CD22: variants seen among roughly 807,000 people sequenced by gnomAD.
CD22 encodes the protein CD22 molecule.
Under a neutral mutation model 94.7 loss-of-function variants are expected in CD22, and 51 were observed. The observed-to-expected ratio is 0.54, with a 90% CI of 0.43 to 0.68. The LOEUF (loss-of-function observed/expected upper bound fraction) is 0.68, where lower values mean the gene tolerates loss of function less well. Among genes scored for constraint, CD22 ranks in the 30% least tolerant of loss-of-function variants. The pLI, the probability that CD22 is intolerant of heterozygous loss-of-function variation, is 0.00. For synonymous variants in CD22, 424 were observed against 422.5 expected, an observed-to-expected ratio of 1.00 and a Z score of -0.04; for missense variants, 931 against 1,060.4, an observed-to-expected ratio of 0.88 and a Z score of 1.69.
At chr19:35,334,201 T>C (rs1041754820) in intron 3 of CD22, among the ~76,000 whole-genome samples, 1 of 152,190 alleles carries the variant, frequency 6.6e-6, no homozygotes, top group South Asian at 2.1e-4. Context: ...GCTCATCAAA[T>C]TTCTGGATGT....
At chr19:35,333,367 C>T (rs2066673048) in intron 3 of CD22, among the ~76,000 whole-genome samples, 1 of 152,126 alleles carries the variant, frequency 6.6e-6, no homozygotes, top group Non-Finnish European at 1.5e-5. Context: ...AAACTTAGGG[C>T]TGCTCAGAGC....
At chr19:35,332,158 C>G in intron 2 of CD22, 84 bp downstream of exon 2, 1 of 1,516,094 alleles carries the variant, frequency 6.6e-7, no homozygotes, top group Non-Finnish European at 9.2e-7. Flanking sequence ...GGCAGAGAGG[C>G]GTCAACATAG....
chr19:35,346,264 G>A, intron 13 of CD22, 29 bp downstream of exon 13: 1 of 1,585,142 alleles, frequency 6.3e-7, no homozygotes. Context: ...GGTCTCCCCA[G>A]AGGGGCTGTG....
rs115208374 is a variant in CD22 at position 35,342,176 on chromosome 19, C to T, written c.2035+211C>T. Among the ~76,000 whole-genome samples the T allele has an allele frequency of 6.2e-3, 935 of 151,086 alleles. 15 individuals carry two copies. Among genetic ancestry groups the T allele is most frequent in the African/African-American group, 0.022 (896 of 41,084 alleles). ...TTTCTTCTCCTTCTCCTTCCTTCTT[C>T]TTCTTCTTATAGAGACAAGGTCTTA... On this transcript the variant is annotated intron_variant, in intron 9 of 13. Transcript: ENST00000085219.
In CD22 at chr19:35,341,378, C is replaced by T; in HGVS notation, c.1543C>T (p.Pro515Ser). The change falls in exon 8 of 14, where the codon CCC becomes TCC. Residue 515 changes from proline to serine, a missense_variant. By Grantham distance (74) the Pro-to-Ser change is moderately conservative. Transcript: ENST00000085219. The surrounding 1 kb of genome is among the most constrained non-coding windows in gnomAD (Gnocchi z 4.0). Reference sequence around the variant, plus strand: ...AGACGTGAGGGTCCGGAAAATCAAGCCCCTTTCCGAGATTCACTCTGGAAA... The same window carrying T: ...AGACGTGAGGGTCCGGAAAATCAAGTCCCTTTCCGAGATTCACTCTGGAAA... ...PRDVRVRKIK[P>S]LSEIHSGNSV... 1.9e-6 allele frequency: 3 copies of T among 1,613,764 alleles called. No homozygotes were observed. The highest frequency in any genetic ancestry group is 2.5e-6 in the Non-Finnish European group (3 of 1,179,932).
At chr19:35,340,083 A>T (rs2066784980) in intron 6 of CD22, among the ~76,000 whole-genome samples, 1 of 152,214 alleles carries the variant, frequency 6.6e-6, no homozygotes, top group African/African-American at 2.4e-5. Context: ...GGACCCTGAG[A>T]TGTCATATGT....
At chr19:35,346,340 C>T (rs368490077) in intron 13 of CD22, 105 bp downstream of exon 13, 144 of 1,151,902 alleles carry the variant, frequency 1.3e-4, no homozygotes, top group South Asian at 7.3e-4. Context: ...GGTAGGCATC[C>T]GTGGTGGCAG....
At chr19:35,334,243 T>C (rs1384845764) in intron 3 of CD22, among the ~76,000 whole-genome samples, 2 of 152,178 alleles carry the variant, frequency 1.3e-5, no homozygotes, top group Non-Finnish European at 2.9e-5. Context: ...CTAAGGATCA[T>C]TGTTCTTTGA....
chr19:35,341,749 A>G lies in CD22; in HGVS notation c.1819A>G (p.Met607Val). The change falls in exon 9 of 14, where the codon ATG becomes GTG. Residue 607 changes from methionine to valine, a missense_variant. Met to Val is a conservative substitution (Grantham distance 21). Coordinates refer to ENST00000085219, the MANE Select transcript of CD22 (RefSeq NM_001771.4). This position sits in a 1 kb window ranked among gnomAD's most constrained non-coding sequence, Gnocchi z 4.0. ...RVSMSPGDQV[M>V]EGKSATLTCE... ...GTCCATGAGCCCGGGGGACCAAGTG[A>G]TGGAGGGGAAGAGTGCAACCCTGAC... The G allele has an allele frequency of 6.2e-7, 1 of 1,611,644 alleles. No homozygotes were observed. Among genetic ancestry groups the G allele is most frequent in the Non-Finnish European group, 8.5e-7 (1 of 1,179,906 alleles).
In CD22 at chr19:35,346,818, G is replaced by T; in HGVS notation, c.*121G>T. The T allele has an allele frequency of 3.0e-6, 2 of 665,664 alleles. No individual in the cohort carries two copies. The highest frequency in any genetic ancestry group is 4.7e-6 in the Non-Finnish European group (2 of 423,166). 41.2% of individuals were successfully genotyped at this position (665,664 alleles called of 1,614,324 possible). A position where few individuals can be genotyped will look rare whatever the true frequency, so the allele number is the denominator to read the frequency against. ...CATGTGCGCACACACACACACACAC[G>T]CACACACACACACACACACTCACTG... is the stretch of plus-strand genomic sequence containing the variant. On this transcript the variant is annotated 3_prime_UTR_variant, in exon 14 of 14. Coordinates refer to ENST00000085219, the MANE Select transcript of CD22 (RefSeq NM_001771.4).
chr19:35,344,712 A>G, intron 9 of CD22, 117 bp from the exon 10 acceptor site: 6 of 734,436 alleles, frequency 8.2e-6, no homozygotes, highest in African/African-American at 1.8e-5. Context: ...CCCTGCACGC[A>G]TGCAGGGGAG....
chr19:35,340,906 G>A lies in CD22; in HGVS notation c.1275G>A (p.Val425=). The A allele has an allele frequency of 6.2e-7, 1 of 1,614,162 alleles. No homozygotes were observed. The highest frequency in any genetic ancestry group is 8.5e-7 in the Non-Finnish European group (1 of 1,180,030). ...ATCCTCCCAAGAAGGTGACCACAGT[G>A]ATTCAAAACCCCATGCCGATTCGAG... is the stretch of plus-strand genomic sequence containing the variant. The part of the protein sequence containing the change: ...VQYPPKKVTT[V]IQNPMPIREG... The change falls in exon 7 of 14, where the codon GTG becomes GTA. Residue 425 remains valine, a synonymous_variant. Coordinates refer to ENST00000085219, the MANE Select transcript of CD22 (RefSeq NM_001771.4).
chr19:35,341,006 C>A lies in CD22; in HGVS notation c.1375C>A (p.His459Asn), dbSNP rs1303614162. 1 of 1,614,216 alleles carries A rather than the reference C, an allele frequency of 6.2e-7. No individual in the cohort carries two copies. The highest frequency in any genetic ancestry group is 1.7e-5 in the Admixed American group (1 of 60,026). ...PSVTRYEWKPHGAWEEPSLGV... is the reference protein window; with the variant it reads ...PSVTRYEWKPNGAWEEPSLGV... ...TGTTACCCGGTATGAATGGAAACCC[C>A]ATGGCGCCTGGGAGGAGCCATCGCT... is the stretch of plus-strand genomic sequence containing the variant. The change falls in exon 7 of 14, where the codon CAT (histidine) becomes AAT (asparagine). Residue 459 changes from histidine (H) to asparagine (N), a missense_variant. His to Asn is a moderately conservative substitution (Grantham distance 68, BLOSUM62 1). Coordinates refer to ENST00000085219, the MANE Select transcript of CD22 (RefSeq NM_001771.4). The surrounding 1 kb of genome is among the most constrained non-coding windows in gnomAD (Gnocchi z 4.0).
chr19:35,346,797 TGC>T lies in CD22; in HGVS notation c.*103_*104del, dbSNP rs1383942356. On this transcript the variant is annotated 3_prime_UTR_variant, in exon 14 of 14. Coordinates refer to ENST00000085219, the MANE Select transcript of CD22 (RefSeq NM_001771.4). ...CACATGGCTTCCTCCTGCGCGCATG[TGC>T]GCACACACACACACACACGCACACA... is the stretch of plus-strand genomic sequence containing the variant. 15 of 1,040,782 alleles carry T rather than the reference TGC, an allele frequency of 1.4e-5. No homozygotes were observed. Among genetic ancestry groups the T allele is most frequent in the East Asian group, 2.6e-5 (1 of 39,054 alleles). The allele number at this position is 1,040,782 out of a possible 1,614,324, so 64.5% of individuals were successfully genotyped here.
rs532265126 is a variant in CD22, at chr19:35,339,951, A to C, written c.1250-930A>C. On this transcript the variant is annotated intron_variant, in intron 6 of 13. Transcript: ENST00000085219. ...GTGGCTGAGTCTTGAGAGATCTTGA[A>C]ATTTTTAATGAGAACTGGGGCAAAC... Among the ~76,000 whole-genome samples, 7 of 152,252 alleles carry C rather than the reference A, an allele frequency of 4.6e-5. No individual in the cohort carries two copies. In the East Asian group the frequency reaches 1.4e-3, roughly 29 times the overall value.
intron 1 of CD22, chr19:35,331,794 C>T (rs1051565282): frequency 1.8e-5 from 14 of 762,640 alleles, no homozygotes; most frequent in East Asian, 3.6e-5. Context: ...TTGCAGTGAG[C>T]GGAGATCACA....
Position 35,341,276 on chromosome 19 carries a change from G to A in CD22, c.1508-67G>A. On this transcript the variant is annotated intron_variant, in intron 7 of 13. Coordinates refer to ENST00000085219, the MANE Select transcript of CD22 (RefSeq NM_001771.4). This position sits in a 1 kb window ranked among gnomAD's most constrained non-coding sequence, Gnocchi z 4.0. ...GAGCCTGGCGTCAGGGCCAAGGGGA[G>A]GGGAGGCCTGGGGACAGCAAAAGGG... 1.3e-6 allele frequency: 2 copies of A among 1,595,290 alleles called. No individual in the cohort carries two copies. Among genetic ancestry groups the A allele is most frequent in the Admixed American group, 1.7e-5 (1 of 58,286 alleles).
At chr19:35,343,291 A>G (rs1340844735) in intron 9 of CD22, among the ~76,000 whole-genome samples, 1 of 152,120 alleles carries the variant, frequency 6.6e-6, no homozygotes, top group African/African-American at 2.4e-5. Flanking sequence ...AAATGTAAGC[A>G]TGAAAGGGTA....
At position 35,341,516 on chromosome 19, in the gene CD22, A is replaced by G. The variant is rs1203843653; in HGVS notation, c.1681A>G (p.Ile561Val). Residue 561 changes from isoleucine (I) to valine (V), a missense_variant, in exon 8 of 14, where the codon ATC (isoleucine) becomes GTC (valine). Coordinates refer to ENST00000085219, the MANE Select transcript of CD22 (RefSeq NM_001771.4). The surrounding 1 kb of genome is among the most constrained non-coding windows in gnomAD (Gnocchi z 4.0). ...AGAAAGCCAGCTGAATTTTGACTCC[A>G]TCTCCCCAGAAGATGCTGGGAGTTA... Reference protein sequence around the residue: ...GKESQLNFDSISPEDAGSYSC... With the variant: ...GKESQLNFDSVSPEDAGSYSC... The G allele has an allele frequency of 1.2e-6, 2 of 1,614,050 alleles. No individual in the cohort carries two copies. The highest frequency in any genetic ancestry group is 1.6e-4 in the Middle Eastern group (1 of 6,084).
Sources: allele counts gnomAD v4.1 joint callset (sites outside exome capture counted in the v4.1 genomes callset), GRCh38; gene constraint gnomAD v4.1.1; non-coding constraint Gnocchi (gnomAD v3.1); transcripts MANE v1.5; gene names NCBI Gene and HGNC (gene_info 2026-07-23, HGNC 2026-07-21).